SLC9A9: variants seen among roughly 807,000 people sequenced by gnomAD.
The protein encoded by SLC9A9 is solute carrier family 9 member A9, also known as sodium/hydrogen exchanger 9.
Under a neutral mutation model 77.8 loss-of-function variants are expected in SLC9A9, and 62 were observed. The observed-to-expected ratio is 0.80, with a 90% confidence interval of 0.65 to 0.98. The LOEUF is 0.98. Among genes scored for constraint, SLC9A9 ranks in the 50% least tolerant of loss-of-function variants. SLC9A9 has a pLI of 0.00. For synonymous variants in SLC9A9, 320 were observed against 283.5 expected, an observed-to-expected ratio of 1.13 and a Z score of -1.29; for missense variants, 775 against 774.9, an observed-to-expected ratio of 1.00 and a Z score of 0.00.
chr3:143,747,647 G>A (rs1935226848), intron 4 of SLC9A9, among the ~76,000 whole-genome samples: 1 of 152,150 alleles, frequency 6.6e-6, no homozygotes. Flanking sequence ...CATGAGGAAT[G>A]CCAGCGGCTG....
At chr3:143,441,612 CTT>C (rs34808805) in intron 12 of SLC9A9, among the ~76,000 whole-genome samples, 29,466 of 148,080 alleles carry the variant, frequency 0.2, 3,341 homozygotes, top group East Asian at 0.37. Flanking sequence ...AGTATCTGCA[CTT>C]TTTTTTTTTT....
chr3:143,707,571 T>G (rs1434590418), intron 4 of SLC9A9, among the ~76,000 whole-genome samples: 1 of 152,238 alleles, frequency 6.6e-6, no homozygotes, highest in Non-Finnish European at 1.5e-5. Context: ...AATTACTATG[T>G]TCATTGTTCC....
At chr3:143,363,804 A>G (rs574497122) in intron 13 of SLC9A9, among the ~76,000 whole-genome samples, 1 of 152,194 alleles carries the variant, frequency 6.6e-6, no homozygotes, top group Non-Finnish European at 1.5e-5. Context: ...ATTTTATTAA[A>G]TAGCTAAGAA....
At chr3:143,741,272 C>A (rs1453426755) in intron 4 of SLC9A9, among the ~76,000 whole-genome samples, 1 of 151,988 alleles carries the variant, frequency 6.6e-6, no homozygotes, top group East Asian at 1.9e-4. Context: ...AAGTGACTCT[C>A]CCCCCAAAAA....
intron 5 of SLC9A9, among the ~76,000 whole-genome samples, chr3:143,664,178 A>C (rs2039024966): frequency 1.3e-5 from 2 of 152,220 alleles, no homozygotes; most frequent in South Asian, 4.1e-4. Context: ...CCAATATTCA[A>C]CATTCTTAAA....
chr3:143,282,061 C>T (rs1938236862), intron 14 of SLC9A9, among the ~76,000 whole-genome samples: 1 of 152,158 alleles, frequency 6.6e-6, no homozygotes. Flanking sequence ...ATCCTAAATC[C>T]ATTCAATATA....
intron 8 of SLC9A9, among the ~76,000 whole-genome samples, chr3:143,565,831 A>G (rs2037159361): frequency 6.6e-6 from 1 of 151,962 alleles, no homozygotes; most frequent in Non-Finnish European, 1.5e-5. Flanking sequence ...AAGGTAAGAG[A>G]TGTTGGCTAA....
At chr3:143,472,749 T>G (rs1389834712) in intron 11 of SLC9A9, among the ~76,000 whole-genome samples, 1 of 152,246 alleles carries the variant, frequency 6.6e-6, no homozygotes, top group Non-Finnish European at 1.5e-5. Flanking sequence ...ATTTTCTGAT[T>G]CTTCAATAAT....
At chr3:143,648,277 C>A (rs1330499442) in intron 6 of SLC9A9, among the ~76,000 whole-genome samples, 1 of 152,162 alleles carries the variant, frequency 6.6e-6, no homozygotes, top group Non-Finnish European at 1.5e-5. Flanking sequence ...TTTTCGGCAC[C>A]AGGGAACTGT....
intron 12 of SLC9A9, among the ~76,000 whole-genome samples, chr3:143,453,773 A>T (rs1377260760): frequency 7.0e-6 from 1 of 142,928 alleles, no homozygotes; most frequent in Non-Finnish European, 1.5e-5. Flanking sequence ...TACTTTCTAC[A>T]GTAAATGCCT....
intron 12 of SLC9A9, among the ~76,000 whole-genome samples, chr3:143,454,594 A>T (rs1472215803): frequency 6.6e-6 from 1 of 152,182 alleles, no homozygotes; most frequent in Non-Finnish European, 1.5e-5. Context: ...TTAGCAGCAT[A>T]AAACAACACC....
chr3:143,805,166 C>A (rs1215539325), intron 2 of SLC9A9, among the ~76,000 whole-genome samples: 1 of 152,154 alleles, frequency 6.6e-6, no homozygotes, highest in Non-Finnish European at 1.5e-5. Context: ...CTATTTTTCT[C>A]CTTTATTTGG....
At position 143,410,877 on chromosome 3, in the gene SLC9A9, G is replaced by A. The variant is rs78853509; in HGVS notation, c.1470-28763C>T. Among the ~76,000 whole-genome samples the A allele has an allele frequency of 4.2e-3, 635 of 152,044 alleles. 14 individuals carry two copies. In the East Asian group the frequency reaches 0.051, roughly 12 times the overall value. Reference sequence around the variant, plus strand: ...TGACTAGATAACATTAAATTTTAGCGAGGATTTTCCTATTATTCAAGAGAT... The same window carrying A: ...TGACTAGATAACATTAAATTTTAGCAAGGATTTTCCTATTATTCAAGAGAT... On this transcript the variant is annotated intron_variant, in intron 12 of 15. Transcript: ENST00000316549.
Position 143,596,286 on chromosome 3 carries a change from A to G in SLC9A9, c.756-17563T>C, listed in dbSNP as rs116630798. The stretch of plus-strand genomic sequence containing the variant: ...TAATATAAATCCTAATCTCTTCTCA[A>G]CGTGTGTGTGTGTATGTGTGCGTGC... On this transcript the variant is annotated intron_variant, in intron 6 of 15. Transcript: ENST00000316549. Among the ~76,000 whole-genome samples, 1,039 of 152,284 alleles carry G rather than the reference A, an allele frequency of 6.8e-3. 14 individuals carry two copies. The highest frequency in any genetic ancestry group is 0.023 in the African/African-American group (941 of 41,576).
intron 1 of SLC9A9, among the ~76,000 whole-genome samples, chr3:143,844,748 TC>T (rs1283484877): frequency 6.1e-5 from 9 of 147,878 alleles, no homozygotes; most frequent in African/African-American, 2.3e-4. Context: ...TTTCTTTCTT[TC>T]TTTCTTTCTT....
At chr3:143,700,317 G>T (rs1933760245) in intron 4 of SLC9A9, among the ~76,000 whole-genome samples, 1 of 152,120 alleles carries the variant, frequency 6.6e-6, no homozygotes, top group Non-Finnish European at 1.5e-5. Flanking sequence ...GGGAAAAGTA[G>T]AAGGTATTTT....
intron 6 of SLC9A9, among the ~76,000 whole-genome samples, chr3:143,607,186 T>A (rs998451668): frequency 4.6e-5 from 7 of 152,096 alleles, no homozygotes; most frequent in Non-Finnish European, 7.4e-5. Flanking sequence ...AGATAAACTA[T>A]ATTTCAAAAG....
intron 4 of SLC9A9, among the ~76,000 whole-genome samples, chr3:143,705,836 G>A (rs1933954999): frequency 6.6e-6 from 1 of 152,136 alleles, no homozygotes; most frequent in African/African-American, 2.4e-5. Flanking sequence ...TATAGTAAAG[G>A]TATACTTTAC....
At chr3:143,526,405 G>T (rs2036406421) in intron 9 of SLC9A9, among the ~76,000 whole-genome samples, 1 of 152,196 alleles carries the variant, frequency 6.6e-6, no homozygotes, top group Non-Finnish European at 1.5e-5. Context: ...CACAAGAAAA[G>T]AGGTGGTAAT....
Sources: allele counts gnomAD v4.1 joint callset (sites outside exome capture counted in the v4.1 genomes callset), GRCh38; gene constraint gnomAD v4.1.1; transcripts MANE v1.5; gene names NCBI Gene and HGNC (gene_info 2026-07-23, HGNC 2026-07-21).